Variants in DECR1 observed in about 807,000 individuals in gnomAD.
The protein encoded by DECR1 is 2,4-dienoyl-CoA reductase [(3E)-enoyl-CoA-producing], mitochondrial.
A neutral mutation model predicts 38.8 loss-of-function variants in DECR1; 44 were observed. That is an observed-to-expected ratio of 1.13 (90% confidence interval 0.89 to 1.46). The LOEUF is 1.46. Among genes scored for constraint, DECR1 ranks in the 40% most tolerant of loss-of-function variants. The pLI is 0.00. For synonymous variants in DECR1, 148 were observed against 135.2 expected, an observed-to-expected ratio of 1.09 and a Z score of -0.66; for missense variants, 428 against 405.5, an observed-to-expected ratio of 1.06 and a Z score of -0.48.
rs1190931225 is a variant in DECR1 at position 90,044,894 on chromosome 8, A to G, written c.784A>G (p.Met262Val). 2 of 1,613,270 alleles carry G rather than the reference A, an allele frequency of 1.2e-6. No homozygotes were observed. Among genetic ancestry groups the G allele is most frequent in the Non-Finnish European group, 8.5e-7 (1 of 1,179,524 alleles). Residue 262 changes from methionine (M) to valine (V), a missense_variant, in exon 8 of 10, where the codon ATG becomes GTG. Coordinates refer to ENST00000220764, the MANE Select transcript of DECR1 (RefSeq NM_001359.2). The stretch of plus-strand genomic sequence containing the variant: ...CCCAACTGGAACATTTGAGAAAGAA[A>G]TGATTGGCAGAATTCCCTGTGGTCG... The part of the protein sequence containing the change: ...LDPTGTFEKE[M>V]IGRIPCGRLG...
intron 5 of DECR1, among the ~76,000 whole-genome samples, chr8:90,022,609 A>G (rs192165562): frequency 1.7e-3 from 263 of 151,710 alleles, no homozygotes; most frequent in Non-Finnish European, 3.1e-3. Context: ...TGATCTCTGT[A>G]TCTCTCCTGT....
chr8:90,010,827 T>C (rs1812866102), intron 1 of DECR1, among the ~76,000 whole-genome samples: 1 of 152,256 alleles, frequency 6.6e-6, no homozygotes, highest in African/African-American at 2.4e-5. Context: ...TCAAGTAAGG[T>C]ATATGTCCTT....
intron 5 of DECR1, among the ~76,000 whole-genome samples, chr8:90,023,482 C>G (rs982893018): frequency 1.3e-5 from 2 of 151,876 alleles, no homozygotes; most frequent in East Asian, 1.9e-4. Context: ...AACTGATAAG[C>G]CTTTTATTTT....
intron 5 of DECR1, among the ~76,000 whole-genome samples, chr8:90,032,554 T>G (rs1813523218): frequency 6.6e-6 from 1 of 152,174 alleles, no homozygotes; most frequent in African/African-American, 2.4e-5. Context: ...AGAAATTCAG[T>G]TCTTAGGAAT....
chr8:90,024,249 G>T (rs1422911027), intron 5 of DECR1, among the ~76,000 whole-genome samples: 1 of 152,152 alleles, frequency 6.6e-6, no homozygotes, highest in Admixed American at 6.5e-5. Context: ...GGGATGGCTG[G>T]GTCAAATGGT....
At chr8:90,050,084 AC>A (rs1180190139) in intron 8 of DECR1, among the ~76,000 whole-genome samples, 2 of 152,184 alleles carry the variant, frequency 1.3e-5, no homozygotes, top group East Asian at 3.8e-4. Flanking sequence ...CTAGAAGAAA[AC>A]CTAGGCAATG....
intron 1 of DECR1, among the ~76,000 whole-genome samples, chr8:90,011,024 T>G (rs1277748007): frequency 6.6e-6 from 1 of 152,240 alleles, no homozygotes; most frequent in African/African-American, 2.4e-5. Flanking sequence ...AAGGTTATTA[T>G]TACTATGGTT....
At chr8:90,005,359 A>G (rs763541757) in intron 1 of DECR1, 12 of 456,176 alleles carry the variant, frequency 2.6e-5, no homozygotes, top group East Asian at 6.9e-5. Context: ...ATAGAGTCCA[A>G]TGGCATTATG....
At chr8:90,006,617 G>A (rs1812747372) in intron 1 of DECR1, among the ~76,000 whole-genome samples, 1 of 152,214 alleles carries the variant, frequency 6.6e-6, no homozygotes, top group South Asian at 2.1e-4. Context: ...ACTCAAAGTT[G>A]AGTGATATTT....
intron 1 of DECR1, chr8:90,005,884 G>C (rs564469838): frequency 2.4e-4 from 86 of 353,710 alleles, no homozygotes; most frequent in Non-Finnish European, 4.0e-4. Flanking sequence ...GGAAGTGAGG[G>C]GGTGTTGGGA....
At chr8:90,029,645 A>T (rs571143442) in intron 5 of DECR1, among the ~76,000 whole-genome samples, 1 of 152,348 alleles carries the variant, frequency 6.6e-6, no homozygotes, top group South Asian at 2.1e-4. Flanking sequence ...TAATTAAATT[A>T]TCAGAAAACA....
chr8:90,019,594 A>AT (rs1813100063), intron 4 of DECR1, among the ~76,000 whole-genome samples: 1 of 152,262 alleles, frequency 6.6e-6, no homozygotes, highest in African/African-American at 2.4e-5. Context: ...ACTTGCTGAC[A>AT]TTGCCATGGC....
At chr8:90,045,286 A>T (rs1219013709) in intron 8 of DECR1, among the ~76,000 whole-genome samples, 1 of 152,044 alleles carries the variant, frequency 6.6e-6, no homozygotes, top group East Asian at 1.9e-4. Context: ...TAGCCAAGGG[A>T]AGCCCTGACA....
chr8:90,002,692 GAA>G (rs1025905267), intron 1 of DECR1, among the ~76,000 whole-genome samples: 1 of 152,164 alleles, frequency 6.6e-6, no homozygotes, highest in Admixed American at 6.5e-5. Flanking sequence ...TTCCAAATAG[GAA>G]TACAAAGAAT....
chr8:90,006,268 C>T (rs1191991395), intron 1 of DECR1: 7 of 703,990 alleles, frequency 9.9e-6, no homozygotes, highest in South Asian at 7.4e-5. Flanking sequence ...ATCTCCTGCT[C>T]ATGGGGGAGG....
intron 2 of DECR1, 199 bp from the exon 3 acceptor site, chr8:90,018,710 A>G (rs575267470): frequency 2.0e-6 from 1 of 509,552 alleles, no homozygotes; most frequent in South Asian, 2.5e-5. Context: ...TTTAAAAGTG[A>G]CTAATTCAAT....
chr8:90,007,952 A>C (rs996547874), intron 1 of DECR1, among the ~76,000 whole-genome samples: 2 of 152,242 alleles, frequency 1.3e-5, no homozygotes, highest in Admixed American at 6.5e-5. Flanking sequence ...TATCCCTTCC[A>C]GTCTGGGAAA....
At chr8:90,024,570 A>G (rs1157016588) in intron 5 of DECR1, among the ~76,000 whole-genome samples, 1 of 151,498 alleles carries the variant, frequency 6.6e-6, no homozygotes, top group Non-Finnish European at 1.5e-5. Context: ...GGGTTGTTTG[A>G]TTTTTTTCTT....
intron 1 of DECR1, chr8:90,005,412 A>C (rs755433099): frequency 2.6e-4 from 117 of 456,106 alleles, no homozygotes; most frequent in Non-Finnish European, 4.8e-5. Flanking sequence ...TTGCTTTTGG[A>C]TGGGATCCCA....
Sources: allele counts gnomAD v4.1 joint callset (sites outside exome capture counted in the v4.1 genomes callset), GRCh38; gene constraint gnomAD v4.1.1; transcripts MANE v1.5; gene names NCBI Gene and HGNC (gene_info 2026-07-23, HGNC 2026-07-21).